ANKFN1: variants seen among roughly 807,000 people sequenced by gnomAD.
ANKFN1 encodes the protein ankyrin repeat and fibronectin type III domain containing 1, also known as ankyrin repeat and fibronectin type-III domain-containing protein 1.
Under a neutral mutation model 108.7 loss-of-function variants are expected in ANKFN1, and 74 were observed. The observed-to-expected ratio is 0.68, with a 90% CI of 0.56 to 0.83. The LOEUF (loss-of-function observed/expected upper bound fraction) is 0.83, where lower values mean the gene tolerates loss of function less well. Ranked by LOEUF, ANKFN1 falls within the 40% of genes least tolerant of loss-of-function variation. ANKFN1 has a pLI of 0.00. For synonymous variants in ANKFN1, 547 were observed against 516.2 expected, an observed-to-expected ratio of 1.06 and a Z score of -0.81; for missense variants, 1,505 against 1,382.3, an observed-to-expected ratio of 1.09 and a Z score of -1.41.
Position 56,516,199 on chromosome 17 carries a change from TG to T in ANKFN1, c.*4935del, listed in dbSNP as rs1381438994. Among the ~76,000 whole-genome samples, 1 of 152,084 alleles carries T rather than the reference TG, an allele frequency of 6.6e-6. No homozygotes were observed. The highest frequency in any genetic ancestry group is 1.5e-5 in the Non-Finnish European group (1 of 68,006). On this transcript the variant is annotated 3_prime_UTR_variant, in exon 21 of 21. Transcript: ENST00000682825. ...TCTTGCCTTGTGAAAATCAGATGTT[TG>T]GGGGTATCCATGTATGTGACCACAA...
At chr17:56,410,340 C>T (rs1447157826) in intron 8 of ANKFN1, among the ~76,000 whole-genome samples, 2 of 152,082 alleles carry the variant, frequency 1.3e-5, no homozygotes, top group Non-Finnish European at 2.9e-5. Flanking sequence ...CATGATCCGC[C>T]CACCTCGGCC....
intron 4 of ANKFN1, among the ~76,000 whole-genome samples, chr17:56,350,364 T>C (rs2046213809): frequency 6.6e-6 from 1 of 152,084 alleles, no homozygotes; most frequent in South Asian, 2.1e-4. Flanking sequence ...TAGGTGGATG[T>C]AAGTAGAAAA....
In ANKFN1 at chr17:56,383,270, T is replaced by C. The variant is rs1314591819; in HGVS notation, c.910+8556T>C. ...AATGAAGGCAGAAATAAAGATGTTC[T>C]TTGAAACCAACGAGAACAAAGATGC... On this transcript the variant is annotated intron_variant, in intron 8 of 20. Transcript: ENST00000682825. Among the ~76,000 whole-genome samples, 10 of 152,274 alleles carry C rather than the reference T, an allele frequency of 6.6e-5. No individual in the cohort carries two copies. In the East Asian group the frequency reaches 1.9e-3, roughly 29 times the overall value.
intron 1 of ANKFN1, among the ~76,000 whole-genome samples, chr17:56,173,887 A>C (rs574915937): frequency 6.6e-6 from 1 of 152,232 alleles, no homozygotes; most frequent in Non-Finnish European, 1.5e-5. Flanking sequence ...GGAAATGTCA[A>C]AATTCAGATA....
intron 1 of ANKFN1, chr17:56,207,034 C>T (rs1914598814): frequency 6.6e-6 from 1 of 152,178 alleles, no homozygotes; most frequent in South Asian, 2.1e-4. Flanking sequence ...AGGGAGAGGC[C>T]CCTGTCTAAG....
intron 8 of ANKFN1, among the ~76,000 whole-genome samples, chr17:56,400,397 T>C (rs1415398035): frequency 6.6e-6 from 1 of 150,762 alleles, no homozygotes; most frequent in Non-Finnish European, 1.5e-5. Context: ...TTGAGAATTG[T>C]CTATTCATGT....
intron 4 of ANKFN1, among the ~76,000 whole-genome samples, chr17:56,133,754 A>G (rs1424210206): frequency 4.0e-5 from 6 of 151,870 alleles, no homozygotes; most frequent in Admixed American, 3.9e-4. Flanking sequence ...GCTGAACTGT[A>G]CTATTAGAGA....
chr17:56,238,479 A>G (rs577203245), intron 3 of ANKFN1, among the ~76,000 whole-genome samples: 2 of 152,288 alleles, frequency 1.3e-5, no homozygotes, highest in South Asian at 4.1e-4. Flanking sequence ...TTGAGTATAT[A>G]TATATTTAGG....
chr17:56,333,024 A>G (rs2045708235), intron 4 of ANKFN1, among the ~76,000 whole-genome samples: 1 of 150,024 alleles, frequency 6.7e-6, no homozygotes, highest in South Asian at 2.1e-4. Flanking sequence ...ATTATTTAAT[A>G]TCATGTCATG....
At chr17:56,314,816 G>A (rs1358316267) in intron 3 of ANKFN1, among the ~76,000 whole-genome samples, 1 of 152,128 alleles carries the variant, frequency 6.6e-6, no homozygotes, top group Non-Finnish European at 1.5e-5. Context: ...GGACCTTTTA[G>A]ATAAGGGCAC....
Position 56,511,444 on chromosome 17 carries a change from C to T in ANKFN1, c.*175C>T. 1.4e-6 allele frequency: 1 copy of T among 697,750 alleles called. No individual in the cohort carries two copies. Among genetic ancestry groups the T allele is most frequent in the Non-Finnish European group, 2.3e-6 (1 of 433,878 alleles). 43.2% of individuals were successfully genotyped at this position (697,750 alleles called of 1,614,324 possible). Reference sequence around the variant, plus strand: ...TTTGGAACAGAGTGGTGGGTGGAGGCCAGAGTTGCCAGTGCCATTCCCACT... The same window carrying T: ...TTTGGAACAGAGTGGTGGGTGGAGGTCAGAGTTGCCAGTGCCATTCCCACT... On this transcript the variant is annotated 3_prime_UTR_variant, in exon 21 of 21. Coordinates refer to ENST00000682825, the MANE Select transcript of ANKFN1 (RefSeq NM_001370326.1).
intron 14 of ANKFN1, among the ~76,000 whole-genome samples, chr17:56,460,141 A>G (rs1031654414): frequency 1.3e-5 from 2 of 151,948 alleles, no homozygotes; most frequent in African/African-American, 4.8e-5. Flanking sequence ...TAGTGGTCCA[A>G]TTTCCTTTCT....
chr17:56,289,932 G>GA (rs1001824669), intron 3 of ANKFN1, among the ~76,000 whole-genome samples: 5 of 151,806 alleles, frequency 3.3e-5, no homozygotes, highest in African/African-American at 7.2e-5. Flanking sequence ...CAAGCCCTGT[G>GA]AAAAAAAAGC....
chr17:56,101,735 C>G (rs913762770), intron 4 of ANKFN1, among the ~76,000 whole-genome samples: 13 of 152,068 alleles, frequency 8.5e-5, no homozygotes, highest in African/African-American at 3.1e-4. Context: ...GTATTGGCAG[C>G]AAATTGAGAT....
chr17:56,381,585 G>C (rs969387690), intron 8 of ANKFN1, among the ~76,000 whole-genome samples: 8 of 152,214 alleles, frequency 5.3e-5, no homozygotes, highest in Non-Finnish European at 1.0e-4. Context: ...ACAGGGAATT[G>C]CTTAAAGGAG....
chr17:56,441,560 C>T (rs1324306056), intron 9 of ANKFN1, among the ~76,000 whole-genome samples: 2 of 152,104 alleles, frequency 1.3e-5, no homozygotes, highest in Admixed American at 6.5e-5. Flanking sequence ...CTGATTCCAA[C>T]CCTATGGCTC....
At chr17:56,202,235 A>G (rs1287050499) in intron 1 of ANKFN1, among the ~76,000 whole-genome samples, 3 of 152,204 alleles carry the variant, frequency 2.0e-5, no homozygotes, top group African/African-American at 4.8e-5. Flanking sequence ...CAGCAATAGT[A>G]TCACATCCAA....
chr17:56,420,661 A>G (rs1005348417), intron 8 of ANKFN1, among the ~76,000 whole-genome samples: 2 of 131,748 alleles, frequency 1.5e-5, no homozygotes, highest in African/African-American at 2.8e-5. Context: ...TTAATATTCT[A>G]TGTTGCTTCT....
rs913894533 is a variant in ANKFN1, at chr17:56,516,724, T to C, written c.*5455T>C. Among the ~76,000 whole-genome samples, 1 of 151,816 alleles carries C rather than the reference T, an allele frequency of 6.6e-6. No individual in the cohort carries two copies. Among genetic ancestry groups the C allele is most frequent in the Admixed American group, 6.5e-5 (1 of 15,276 alleles). The stretch of plus-strand genomic sequence containing the variant: ...AGGTCAGGGATAAATGAGAATTAAG[T>C]TAATTTTTCTAATGGCAAGTATTTT... On this transcript the variant is annotated 3_prime_UTR_variant, in exon 21 of 21. Coordinates refer to ENST00000682825, the MANE Select transcript of ANKFN1 (RefSeq NM_001370326.1).
Sources: allele counts gnomAD v4.1 joint callset (sites outside exome capture counted in the v4.1 genomes callset), GRCh38; gene constraint gnomAD v4.1.1; transcripts MANE v1.5; gene names NCBI Gene and HGNC (gene_info 2026-07-23, HGNC 2026-07-21).